SFXN1: variants seen among roughly 807,000 people sequenced by gnomAD.
SFXN1 encodes sideroflexin 1.
SFXN1 carries 32 observed loss-of-function variants against 39.5 expected under a neutral mutation model. The ratio of observed to expected loss-of-function variants is 0.81; its 90% CI spans 0.61 to 1.09. The LOEUF (loss-of-function observed/expected upper bound fraction) is 1.09. Among genes scored for constraint, SFXN1 ranks in the 50% least tolerant of loss-of-function variants. The pLI is 0.00. For missense variants in SFXN1, 402 were observed against 407.1 expected (o/e 0.99, Z 0.11); for synonymous variants, 136 against 146.5 (o/e 0.93, Z 0.52).
rs1446773761 is a variant in SFXN1, at chr5:175,522,231, TACAC to T, written c.825-142_825-139del. 3 of 838,578 alleles carry T rather than the reference TACAC, an allele frequency of 3.6e-6. No individual in the cohort carries two copies. The African/African-American group carries it at 5.1e-5, about 14-fold the overall frequency. 51.9% of individuals were successfully genotyped at this position (838,578 alleles called of 1,614,324 possible). A position where few individuals can be genotyped will look rare whatever the true frequency, so the allele number is the denominator to read the frequency against. The stretch of plus-strand genomic sequence containing the variant: ...TTTGGCAATCCTAGGTAATAAAACT[TACAC>T]AAACAGGACTTATTTTTGTTAGACA... On this transcript the variant is annotated intron_variant, in intron 9 of 10. Coordinates refer to ENST00000321442, the MANE Select transcript of SFXN1 (RefSeq NM_022754.7).
chr5:175,521,499 G>A (rs887272362), intron 8 of SFXN1, among the ~76,000 whole-genome samples: 4 of 152,172 alleles, frequency 2.6e-5, no homozygotes, highest in South Asian at 4.1e-4. Flanking sequence ...ACAAGGAAAC[G>A]GAAGCTTGGA....
chr5:175,479,260 T>A (rs191357144), intron 1 of SFXN1, among the ~76,000 whole-genome samples: 8 of 152,344 alleles, frequency 5.3e-5, no homozygotes, highest in Admixed American at 3.9e-4. Context: ...AGAATGACAA[T>A]AAACAGTCTA....
At chr5:175,500,497 G>A (rs143522000) in intron 2 of SFXN1, among the ~76,000 whole-genome samples, 145 of 146,578 alleles carry the variant, frequency 9.9e-4, no homozygotes, top group African/African-American at 3.6e-3. Context: ...TTTAAAAACT[G>A]GAGAGATATA....
At chr5:175,497,937 A>C (rs1308483391) in intron 2 of SFXN1, among the ~76,000 whole-genome samples, 3 of 74,298 alleles carry the variant, frequency 4.0e-5, no homozygotes, top group Admixed American at 1.4e-4. Context: ...TCTCAAAAAG[A>C]AAAAAAAAAA....
chr5:175,494,407 T>C (rs2113286617), intron 2 of SFXN1, among the ~76,000 whole-genome samples: 1 of 152,274 alleles, frequency 6.6e-6, no homozygotes, highest in East Asian at 1.9e-4. Flanking sequence ...GAGTTGTCAC[T>C]TGGGAATTTC....
chr5:175,502,604 C>T lies in SFXN1; in HGVS notation c.165-6428C>T, dbSNP rs529800661. ...CCTGTAATCCCAGCACTTGGGGAGG[C>T]GGAGGCGGGAGGATTGCCTGAGCTC... On this transcript the variant is annotated intron_variant, in intron 2 of 10. Transcript: ENST00000321442. 1.4e-3 allele frequency among the ~76,000 whole-genome samples: 216 copies of T among 152,274 alleles called. 2 individuals are homozygous for T. The highest frequency in any genetic ancestry group is 8.7e-4 in the Non-Finnish European group (59 of 68,024).
chr5:175,496,873 G>C (rs1359171213), intron 2 of SFXN1, among the ~76,000 whole-genome samples: 1 of 151,586 alleles, frequency 6.6e-6, no homozygotes, highest in Admixed American at 6.6e-5. Flanking sequence ...GTATTTGTTA[G>C]GTTCTGTGCT....
At chr5:175,497,645 A>G (rs925545193) in intron 2 of SFXN1, among the ~76,000 whole-genome samples, 3 of 152,054 alleles carry the variant, frequency 2.0e-5, no homozygotes, top group Admixed American at 6.6e-5. Flanking sequence ...ACACAATCAC[A>G]GGGCCGGGCG....
At chr5:175,486,092 G>C (rs531761928) in intron 1 of SFXN1, among the ~76,000 whole-genome samples, 1 of 152,236 alleles carries the variant, frequency 6.6e-6, no homozygotes, top group Admixed American at 6.5e-5. Flanking sequence ...GGCCTCCACA[G>C]CATTCTTGAT....
chr5:175,523,581 G>C (rs1347979320), intron 10 of SFXN1: 3 of 152,186 alleles, frequency 2.0e-5, no homozygotes, highest in African/African-American at 7.2e-5. Flanking sequence ...ATTATTTTCA[G>C]ATTGAAAGGG....
chr5:175,499,495 A>G (rs2113300225), intron 2 of SFXN1, among the ~76,000 whole-genome samples: 1 of 152,342 alleles, frequency 6.6e-6, no homozygotes, highest in South Asian at 2.1e-4. Flanking sequence ...TGGAGTTATA[A>G]CAAGAATGCA....
intron 10 of SFXN1, chr5:175,525,974 T>C (rs1761045123): frequency 6.6e-6 from 1 of 152,140 alleles, no homozygotes; most frequent in Non-Finnish European, 1.5e-5. Flanking sequence ...TGGTAGGTAT[T>C]CTGGACAATT....
At chr5:175,517,736 G>A (rs571302731) in intron 8 of SFXN1, among the ~76,000 whole-genome samples, 22 of 152,094 alleles carry the variant, frequency 1.4e-4, no homozygotes, top group East Asian at 1.2e-3. Context: ...ACTTTTCCAC[G>A]TTCAAAACAC....
chr5:175,501,358 G>A (rs1760078064), intron 2 of SFXN1, among the ~76,000 whole-genome samples: 1 of 152,092 alleles, frequency 6.6e-6, no homozygotes, highest in Non-Finnish European at 1.5e-5. Context: ...GGGAGCCACC[G>A]CGCCCGGCAG....
Position 175,524,122 on chromosome 5 carries a change from AAAAATATATATATATATATATATATATAT to A in SFXN1, c.872+1702_872+1730del, listed in dbSNP as rs1203082502. On this transcript the variant is annotated intron_variant, in intron 10 of 10. Coordinates refer to ENST00000321442, the MANE Select transcript of SFXN1 (RefSeq NM_022754.7). ...CTGTCTCAAAAAAAAAAAAAAAAAA[AAAAATATATATATATATATATATATATAT>A]ATATATATATATATATATATCTCCA... 56 of 30,464 alleles carry A rather than the reference AAAAATATATATATATATATATATATATAT, an allele frequency of 1.8e-3. 2 individuals carry two copies. The East Asian group carries it at 0.038, about 21-fold the overall frequency. 1.9% of individuals were successfully genotyped at this position (30,464 alleles called of 1,614,324 possible).
intron 7 of SFXN1, among the ~76,000 whole-genome samples, chr5:175,515,178 A>G (rs1368187584): frequency 6.6e-6 from 1 of 152,126 alleles, no homozygotes; most frequent in Admixed American, 6.5e-5. Context: ...CACCACACCC[A>G]GCTGATTTTT....
At chr5:175,493,970 C>T (rs905896275) in intron 2 of SFXN1, among the ~76,000 whole-genome samples, 1 of 152,150 alleles carries the variant, frequency 6.6e-6, no homozygotes, top group Non-Finnish European at 1.5e-5. Flanking sequence ...AGGCCGTGGA[C>T]TGGTGTTTGC....
At chr5:175,482,854 A>C (rs924022158) in intron 1 of SFXN1, among the ~76,000 whole-genome samples, 1 of 152,196 alleles carries the variant, frequency 6.6e-6, no homozygotes, top group African/African-American at 2.4e-5. Context: ...TCCATAGGTT[A>C]TCAGGGTAGA....
At chr5:175,487,031 T>C (rs922550550) in intron 1 of SFXN1, among the ~76,000 whole-genome samples, 9 of 152,042 alleles carry the variant, frequency 5.9e-5, no homozygotes, top group Non-Finnish European at 1.0e-4. Context: ...GAAAAACCCA[T>C]ATCAGATCTT....
Sources: gnomAD v4.1 joint callset for allele counts (sites outside exome capture counted in the v4.1 genomes callset) on GRCh38, gnomAD v4.1.1 for gene constraint, MANE v1.5 for transcripts, NCBI Gene and HGNC (gene_info 2026-07-23, HGNC 2026-07-21) for gene names.